The following LAMC3 variants were observed in gnomAD, a reference collection of about 807,000 sequenced individuals.
The protein encoded by LAMC3 is laminin subunit gamma-3.
Under a neutral mutation model 173.8 loss-of-function variants are expected in LAMC3, and 128 were observed. The observed-to-expected ratio is 0.74, with a 90% CI of 0.64 to 0.85. LAMC3 has a LOEUF of 0.85. LAMC3 is among the 40% of genes least tolerant of loss of function. LAMC3 has a pLI of 0.00. For missense variants in LAMC3, 2,022 were observed against 2,156.0 expected (o/e 0.94, Z 1.23); for synonymous variants, 897 against 909.1 (o/e 0.99, Z 0.24).
chr9:131,058,797 G>A (rs970883361), intron 12 of LAMC3, among the ~76,000 whole-genome samples: 37 of 151,812 alleles, frequency 2.4e-4, no homozygotes, highest in African/African-American at 8.2e-4. Context: ...GGGAGGCTGA[G>A]GCAGGAGAAT....
At chr9:131,057,300 G>A (rs1829700798) in intron 12 of LAMC3, among the ~76,000 whole-genome samples, 153 bp downstream of exon 12, 4 of 152,288 alleles carry the variant, frequency 2.6e-5, no homozygotes, top group Admixed American at 2.0e-4. Context: ...GTGCTGCTCA[G>A]TGCCTGGGCA....
chr9:131,065,495 A>G (rs946927204), intron 13 of LAMC3, among the ~76,000 whole-genome samples: 1 of 152,256 alleles, frequency 6.6e-6, no homozygotes, highest in Non-Finnish European at 1.5e-5. Context: ...AAGGACGAGG[A>G]GAAGCAGATG....
At chr9:131,030,014 C>T (rs1420242658) in intron 2 of LAMC3, among the ~76,000 whole-genome samples, 1 of 151,184 alleles carries the variant, frequency 6.6e-6, no homozygotes, top group African/African-American at 2.4e-5. Flanking sequence ...GATCTTGGCT[C>T]ACCGCAACCT....
At chr9:131,077,887 T>A (rs1344354450) in intron 22 of LAMC3, among the ~76,000 whole-genome samples, 2 of 151,964 alleles carry the variant, frequency 1.3e-5, no homozygotes, top group Non-Finnish European at 2.9e-5. Flanking sequence ...TGGGGCCTCT[T>A]CCTCCTTACA....
intron 1 of LAMC3, among the ~76,000 whole-genome samples, chr9:131,012,135 T>C (rs777460320): frequency 3.3e-5 from 5 of 152,016 alleles, no homozygotes; most frequent in Non-Finnish European, 7.4e-5. Context: ...TCCTGTTTTG[T>C]CGCCGAAAAC....
chr9:131,036,478 G>C, intron 4 of LAMC3, 146 bp downstream of exon 4: 1 of 902,390 alleles, frequency 1.1e-6, no homozygotes, highest in Admixed American at 2.0e-5. Flanking sequence ...GCAGAGATAA[G>C]GACGAGCAGA....
intron 3 of LAMC3, 23 bp from the exon 4 acceptor site, chr9:131,036,143 T>G: frequency 6.2e-7 from 1 of 1,612,740 alleles, no homozygotes. Context: ...CGGGTCCCCT[T>G]CCTCCTCTGT....
In LAMC3 at chr9:131,026,675, A is replaced by G; in HGVS notation, c.678+86A>G. ...GAGGGTCTGATGTGCCAGGACACAC[A>G]GGGTGGGGGACCTGCAAAACCCCAT... On this transcript the variant is annotated intron_variant, in intron 2 of 27. Transcript: ENST00000361069. This position sits in a 1 kb window ranked among gnomAD's most constrained non-coding sequence, Gnocchi z 4.8. The G allele has an allele frequency of 1.4e-6, 2 of 1,445,128 alleles. No homozygotes were observed. The highest frequency in any genetic ancestry group is 2.9e-5 in the African/African-American group (2 of 70,046). The allele number at this position is 1,445,128 out of a possible 1,614,324, so 89.5% of individuals were successfully genotyped here. A position where few individuals can be genotyped will look rare whatever the true frequency, so the allele number is the denominator to read the frequency against.
intron 1 of LAMC3, among the ~76,000 whole-genome samples, chr9:131,023,693 T>C (rs1294857174): frequency 6.6e-6 from 1 of 152,148 alleles, no homozygotes; most frequent in African/African-American, 2.4e-5. Flanking sequence ...CTGTAGCCTC[T>C]AATTCCTAGG....
chr9:131,055,639 A>G (rs922602107), intron 11 of LAMC3, among the ~76,000 whole-genome samples: 20 of 151,184 alleles, frequency 1.3e-4, no homozygotes, highest in Middle Eastern at 3.4e-3. Flanking sequence ...GTTAGCCAGG[A>G]TGGTCTCGAT....
At chr9:131,019,068 G>A (rs71501176) in intron 1 of LAMC3, among the ~76,000 whole-genome samples, 11,617 of 152,260 alleles carry the variant, frequency 0.076, 694 homozygotes, top group African/African-American at 0.17. Context: ...TTTGAGACTA[G>A]CCTGGCCTAC....
At chr9:131,054,528 C>A (rs1217485711) in intron 11 of LAMC3, among the ~76,000 whole-genome samples, 1 of 151,882 alleles carries the variant, frequency 6.6e-6, no homozygotes, top group African/African-American at 2.4e-5. Context: ...CTGAGGCGGG[C>A]GGATCACTTG....
intron 8 of LAMC3, 80 bp from the exon 9 acceptor site, chr9:131,048,940 G>A (rs779525850): frequency 1.2e-6 from 1 of 802,234 alleles, no homozygotes; most frequent in Non-Finnish European, 2.0e-6. Context: ...CTACCCCAGG[G>A]CCCCCACCTG....
chr9:131,065,581 AGAT>A (rs1190665948), intron 13 of LAMC3, among the ~76,000 whole-genome samples: 1 of 152,194 alleles, frequency 6.6e-6, no homozygotes, highest in East Asian at 1.9e-4. Context: ...AAGAAAATGA[AGAT>A]AATGATCAAA....
At chr9:131,032,487 GCT>G (rs1833844923) in intron 3 of LAMC3, among the ~76,000 whole-genome samples, 1 of 116,034 alleles carries the variant, frequency 8.6e-6, no homozygotes, top group Non-Finnish European at 1.9e-5. Flanking sequence ...TCTTTCTCTC[GCT>G]CTCGCTCTCT....
intron 13 of LAMC3, among the ~76,000 whole-genome samples, chr9:131,062,875 A>AT (rs1829857908): frequency 6.6e-6 from 1 of 151,450 alleles, no homozygotes; most frequent in African/African-American, 2.4e-5. Flanking sequence ...TCTCAAAAAA[A>AT]TTAAAAAAAA....
intron 25 of LAMC3, among the ~76,000 whole-genome samples, chr9:131,086,260 G>A (rs1466978049): frequency 6.6e-6 from 1 of 151,966 alleles, no homozygotes; most frequent in Non-Finnish European, 1.5e-5. Context: ...TGTATTTTTA[G>A]TAGAGCGGGG....
chr9:131,039,740 G>A (rs1834012869), intron 6 of LAMC3, among the ~76,000 whole-genome samples: 2 of 151,932 alleles, frequency 1.3e-5, no homozygotes, highest in Non-Finnish European at 2.9e-5. Context: ...GTGACCAGGG[G>A]GTGGAAGAGG....
rs539145918 is a variant in LAMC3, at chr9:131,033,859, C to T, written c.809+1684C>T. 5.9e-5 allele frequency among the ~76,000 whole-genome samples: 9 copies of T among 152,108 alleles called. No individual in the cohort carries two copies. The South Asian group carries it at 8.3e-4, about 14-fold the overall frequency. On this transcript the variant is annotated intron_variant, in intron 3 of 27. Transcript: ENST00000361069. ...ACTCTGGGCCTCCACAGTTCAGAGGCGCTTGGGTGGCATTAGAGAGATGGA... is the reference window on the plus strand; with the variant it reads ...ACTCTGGGCCTCCACAGTTCAGAGGTGCTTGGGTGGCATTAGAGAGATGGA...
Sources: allele counts gnomAD v4.1 joint callset (sites outside exome capture counted in the v4.1 genomes callset), GRCh38; gene constraint gnomAD v4.1.1; non-coding constraint Gnocchi (gnomAD v3.1); transcripts MANE v1.5; gene names NCBI Gene and HGNC (gene_info 2026-07-23, HGNC 2026-07-21).